The following VWA5B1 variants were observed in gnomAD, a reference collection of about 807,000 sequenced individuals.
VWA5B1 encodes von Willebrand factor A domain containing 5B1.
VWA5B1 carries 115 observed loss-of-function variants against 118.2 expected under a neutral mutation model. The observed-to-expected ratio is 0.97, with a 90% CI of 0.84 to 1.14. The LOEUF (loss-of-function observed/expected upper bound fraction) is 1.14, where lower values mean the gene tolerates loss of function less well. Among genes scored for constraint, VWA5B1 ranks in the 50% most tolerant of loss-of-function variants. The pLI, the probability that VWA5B1 is intolerant of heterozygous loss-of-function variation, is 0.00. For missense variants in VWA5B1, 1,596 were observed against 1,603.8 expected (o/e 1.00, Z 0.08); for synonymous variants, 682 against 658.4 (o/e 1.04, Z -0.55).
chr1:20,296,106 G>A (rs12082851), intron 1 of VWA5B1, among the ~76,000 whole-genome samples: 2,261 of 152,170 alleles, frequency 0.015, 54 homozygotes, highest in African/African-American at 0.05. Flanking sequence ...CAGGTGATCC[G>A]CCCACCTCAG....
Position 20,319,478 on chromosome 1 carries a change from T to G in VWA5B1, c.938T>G (p.Met313Arg). 1.9e-6 allele frequency: 3 copies of G among 1,551,684 alleles called. No homozygotes were observed. The highest frequency in any genetic ancestry group is 2.6e-6 in the Non-Finnish European group (3 of 1,146,996). Residue 313 changes from methionine to arginine, a missense_variant, in exon 7 of 22, where the codon ATG becomes AGG. Transcript: ENST00000289815. Reference sequence around the variant, plus strand: ...GGAAGAACAGATTTCATTAAAGGGATGAAGAAGAAGAGCAGAGCAGAGCGG... The same window carrying G: ...GGAAGAACAGATTTCATTAAAGGGAGGAAGAAGAAGAGCAGAGCAGAGCGG... ...LKGRTDFIKG[M>R]KKKSRAERKT... is the part of the protein sequence containing the mutation.
rs367872784 is a variant in VWA5B1 at position 20,317,155 on chromosome 1, CAAA to C, written c.564-353_564-351del. Among the ~76,000 whole-genome samples the C allele has an allele frequency of 1.0e-3, 71 of 70,502 alleles. 1 individual carries two copies. Among genetic ancestry groups the C allele is most frequent in the East Asian group, 3.5e-3 (10 of 2,848 alleles). The allele number at this position is 70,502 out of a possible 152,430, so 46.3% of individuals were successfully genotyped here. A position where few individuals can be genotyped will look rare whatever the true frequency, so the allele number is the denominator to read the frequency against. On this transcript the variant is annotated intron_variant, in intron 4 of 21. Coordinates refer to ENST00000289815, the MANE Select transcript of VWA5B1 (RefSeq NM_001039500.3). Reference sequence around the variant, plus strand: ...TGGGTGACTGAGCAAGACTGCATCTCAAAAAAAAAAAAAAAAAAAAAAAATAGT... The same window carrying C: ...TGGGTGACTGAGCAAGACTGCATCTCAAAAAAAAAAAAAAAAAAAAATAGT...
At chr1:20,332,509 TAAAATA>T (rs1017389743) in intron 11 of VWA5B1, among the ~76,000 whole-genome samples, 9 of 146,984 alleles carry the variant, frequency 6.1e-5, no homozygotes, top group African/African-American at 2.3e-4. Flanking sequence ...TAAAATAAAA[TAAAATA>T]AAATAAAATA....
intron 1 of VWA5B1, among the ~76,000 whole-genome samples, chr1:20,307,305 G>C (rs1268411918): frequency 6.6e-6 from 1 of 152,176 alleles, no homozygotes; most frequent in Admixed American, 6.5e-5. Context: ...GGCCCAGGTT[G>C]GGACAGAGCT....
chr1:20,304,862 C>T (rs1185915333), intron 1 of VWA5B1, among the ~76,000 whole-genome samples: 2 of 152,106 alleles, frequency 1.3e-5, no homozygotes, highest in Admixed American at 6.6e-5. Flanking sequence ...TGCCTCACCT[C>T]TTCGAGCCTT....
intron 1 of VWA5B1, among the ~76,000 whole-genome samples, chr1:20,297,321 G>A (rs2088423181): frequency 6.6e-6 from 1 of 152,254 alleles, no homozygotes; most frequent in Non-Finnish European, 1.5e-5. Context: ...CTCTAACGGA[G>A]GCTCCTTGGG....
chr1:20,348,167 TC>T, intron 17 of VWA5B1, 77 bp from the exon 18 acceptor site: 1 of 1,297,242 alleles, frequency 7.7e-7, no homozygotes. Flanking sequence ...CCAGAATCAT[TC>T]CTGTCAGCTC....
chr1:20,315,563 T>G (rs957037838), intron 4 of VWA5B1, among the ~76,000 whole-genome samples: 6 of 152,124 alleles, frequency 3.9e-5, no homozygotes, highest in Non-Finnish European at 1.5e-5. Flanking sequence ...TTAGCTGCAA[T>G]GGACAAGAAC....
At chr1:20,341,640 T>C (rs72982072) in intron 14 of VWA5B1, among the ~76,000 whole-genome samples, 8,205 of 152,302 alleles carry the variant, frequency 0.054, 707 homozygotes, top group African/African-American at 0.18. Context: ...ATTAAGTTAG[T>C]CTTTTACTCC....
At chr1:20,291,326 C>T (rs1190736155) in intron 1 of VWA5B1, among the ~76,000 whole-genome samples, 3 of 139,316 alleles carry the variant, frequency 2.2e-5, no homozygotes, top group South Asian at 2.4e-4. Context: ...TACTCAGGTC[C>T]AGCTCTCTCT....
chr1:20,291,387 T>TCTCTCTCTCTCTCTCTA (rs57894456), intron 1 of VWA5B1, among the ~76,000 whole-genome samples: 6 of 114,168 alleles, frequency 5.3e-5, no homozygotes, highest in African/African-American at 2.5e-4. Flanking sequence ...CTCTCTCTCT[T>TCTCTCTCTCTCTCTCTA]TCTGTCTCCT....
In VWA5B1 at chr1:20,319,419, C is replaced by A; in HGVS notation, c.879C>A (p.Asp293Glu). ...CCCATGTCCTGATAGAGAAAGGGGA[C>A]ATGACCCTGGGAGAGTTTGACCAGC... ...HMPHVLIEKG[D>E]MTLGEFDQHL... is the part of the protein sequence containing the mutation. The change falls in exon 7 of 22, where the codon GAC becomes GAA. Residue 293 changes from aspartate to glutamate, a missense_variant. Coordinates refer to ENST00000289815, the MANE Select transcript of VWA5B1 (RefSeq NM_001039500.3). 6.4e-7 allele frequency: 1 copy of A among 1,551,760 alleles called. No homozygotes were observed.
intron 8 of VWA5B1, 101 bp from the exon 9 acceptor site, chr1:20,327,789 T>G: frequency 9.9e-7 from 1 of 1,011,804 alleles, no homozygotes. Context: ...AAAGGTCTGT[T>G]TGGAGGCTGC....
chr1:20,318,770 G>A (rs2089111663), intron 6 of VWA5B1, 49 bp downstream of exon 6: 2 of 1,442,000 alleles, frequency 1.4e-6, no homozygotes, highest in African/African-American at 2.9e-5. Flanking sequence ...GAGGGAGGAG[G>A]TGCTGATCCT....
chr1:20,314,674 T>TG (rs2088951295), intron 4 of VWA5B1, 82 bp downstream of exon 4: 2 of 1,493,758 alleles, frequency 1.3e-6, no homozygotes, highest in Non-Finnish European at 9.0e-7. Context: ...GGGGACAGGG[T>TG]GGGGGGAGAC....
Position 20,358,486 on chromosome 1 carries a change from G to GC in VWA5B1, c.*4230dup, listed in dbSNP as rs1474685336. On this transcript the variant is annotated 3_prime_UTR_variant, in exon 22 of 22. Coordinates refer to ENST00000289815, the MANE Select transcript of VWA5B1 (RefSeq NM_001039500.3). ...GGTCTCCCCTATCTGTGTACAGTCT[G>GC]CCCCCCCACCCTGCAATTGCCTGCC... 8.6e-5 allele frequency among the ~76,000 whole-genome samples: 13 copies of GC among 152,040 alleles called. No homozygotes were observed. The highest frequency in any genetic ancestry group is 1.9e-4 in the East Asian group (1 of 5,160).
At chr1:20,302,544 A>C (rs2088529172) in intron 1 of VWA5B1, among the ~76,000 whole-genome samples, 1 of 152,184 alleles carries the variant, frequency 6.6e-6, no homozygotes, top group Admixed American at 6.5e-5. Flanking sequence ...GTGGGGGACA[A>C]GACACAAGGC....
chr1:20,332,475 G>C lies in VWA5B1; in HGVS notation c.1573-291G>C, dbSNP rs1455879944. Among the ~76,000 whole-genome samples, 4 of 77,748 alleles carry C rather than the reference G, an allele frequency of 5.1e-5. No homozygotes were observed. In the Admixed American group the frequency reaches 6.3e-4, roughly 12 times the overall value. 51.0% of individuals were successfully genotyped at this position (77,748 alleles called of 152,430 possible). A position where few individuals can be genotyped will look rare whatever the true frequency, so the allele number is the denominator to read the frequency against. On this transcript the variant is annotated intron_variant, in intron 11 of 21. Transcript: ENST00000289815. Reference sequence around the variant, plus strand: ...AGCCTGGGTGACAGAGCCAGACTCTGTCTCAAAATAAAATAAAATAAAATA... The same window carrying C: ...AGCCTGGGTGACAGAGCCAGACTCTCTCTCAAAATAAAATAAAATAAAATA...
In VWA5B1 at chr1:20,350,224, T is replaced by G. The variant is rs747011115; in HGVS notation, c.2947T>G (p.Ser983Ala). 6.4e-7 allele frequency: 1 copy of G among 1,551,116 alleles called. No homozygotes were observed. The highest frequency in any genetic ancestry group is 1.2e-5 in the South Asian group (1 of 84,062). ...CCCCGGCCGCGAGAAGCACGGTGCT[T>G]CTGAAGGTGAGTGGGCAGGTGGCGC... ...RSPGREKHGASEGPQRSLATN... is the reference protein window; with the variant it reads ...RSPGREKHGAAEGPQRSLATN... Residue 983 changes from serine (S) to alanine (A), a missense_variant, in exon 19 of 22, where the codon TCT (serine) becomes GCT (alanine). Physicochemically the swap from Ser to Ala is moderately conservative, Grantham distance 99. Transcript: ENST00000289815.
Sources: allele counts gnomAD v4.1 joint callset (sites outside exome capture counted in the v4.1 genomes callset), GRCh38; gene constraint gnomAD v4.1.1; transcripts MANE v1.5; gene names NCBI Gene and HGNC (gene_info 2026-07-23, HGNC 2026-07-21).